Variants in RELN observed in about 807,000 individuals in gnomAD.
RELN encodes reelin.
In RELN, 108 loss-of-function variants were observed where a neutral mutation model predicts 427.6. That is an observed-to-expected ratio of 0.25 (90% CI 0.22 to 0.30). The LOEUF (loss-of-function observed/expected upper bound fraction) is 0.30. Ranked by LOEUF, RELN falls within the 10% of genes least tolerant of loss-of-function variation. RELN has a pLI of 1.00. For synonymous variants in RELN, 1,524 were observed against 1,513.4 expected (o/e 1.01, Z -0.16); for missense variants, 3,715 against 4,302.8 (o/e 0.86, Z 3.82).
At chr7:103,645,302 G>A (rs2117373920) in intron 16 of RELN, among the ~76,000 whole-genome samples, 1 of 151,628 alleles carries the variant, frequency 6.6e-6, no homozygotes, top group Middle Eastern at 3.4e-3. Flanking sequence ...GAACAGAAAT[G>A]GATTAAATTC....
At chr7:103,475,378 G>A (rs1324172485) in intron 64 of RELN, among the ~76,000 whole-genome samples, 1 of 151,902 alleles carries the variant, frequency 6.6e-6, no homozygotes, top group Non-Finnish European at 1.5e-5. Flanking sequence ...TGCCTGACCC[G>A]TGCATGGGTG....
At chr7:103,752,423 T>C (rs1364541807) in intron 5 of RELN, among the ~76,000 whole-genome samples, 1 of 152,168 alleles carries the variant, frequency 6.6e-6, no homozygotes, top group African/African-American at 2.4e-5. Flanking sequence ...CAATTTTTTT[T>C]TAAAGAAACA....
chr7:103,664,301 G>C (rs1314876149), intron 11 of RELN, among the ~76,000 whole-genome samples: 1 of 152,208 alleles, frequency 6.6e-6, no homozygotes, highest in Non-Finnish European at 1.5e-5. Flanking sequence ...ACATATGCAT[G>C]TGGGAATTTC....
chr7:103,486,859 G>A (rs548399763), intron 60 of RELN, among the ~76,000 whole-genome samples: 185 of 152,292 alleles, frequency 1.2e-3, no homozygotes, highest in Non-Finnish European at 2.4e-3. Context: ...GATTCCTCAA[G>A]GATCTAGAAC....
rs146605879 is a variant in RELN, at chr7:103,693,611, T to C, written c.1143+4242A>G. ...AAATTAAAAAGAAAGAAAATTAGGCTGGATAAAAATTGGAAAGGGCCTTGA... is the reference window on the plus strand; with the variant it reads ...AAATTAAAAAGAAAGAAAATTAGGCCGGATAAAAATTGGAAAGGGCCTTGA... On this transcript the variant is annotated intron_variant, in intron 10 of 64. Coordinates refer to ENST00000428762, the MANE Select transcript of RELN (RefSeq NM_005045.4). 8.4e-3 allele frequency among the ~76,000 whole-genome samples: 1,282 copies of C among 152,002 alleles called. 28 individuals carry two copies. Among genetic ancestry groups the C allele is most frequent in the African/African-American group, 0.029 (1,207 of 41,488 alleles).
chr7:103,926,532 C>T (rs1159196077), intron 1 of RELN, among the ~76,000 whole-genome samples: 1 of 149,930 alleles, frequency 6.7e-6, no homozygotes, highest in Non-Finnish European at 1.5e-5. Flanking sequence ...TGTCATACAT[C>T]TGTTGTTTGT....
intron 27 of RELN, among the ~76,000 whole-genome samples, chr7:103,593,174 C>T (rs184745076): frequency 6.6e-6 from 1 of 152,254 alleles, no homozygotes; most frequent in Non-Finnish European, 1.5e-5. Flanking sequence ...AAAGTAAATA[C>T]TTGCTATACA....
chr7:103,609,222 C>CA (rs11342938), intron 22 of RELN, among the ~76,000 whole-genome samples: 1,243 of 120,656 alleles, frequency 0.01, 7 homozygotes, highest in African/African-American at 0.025. Context: ...GACTCTGTCT[C>CA]AAAAAAAAAA....
chr7:103,810,460 C>G (rs1467285293), intron 3 of RELN, among the ~76,000 whole-genome samples: 2 of 152,148 alleles, frequency 1.3e-5, no homozygotes, highest in Non-Finnish European at 2.9e-5. Flanking sequence ...GAGGAGAAGA[C>G]ATTTGTGTCA....
At chr7:103,870,607 T>C (rs1174190066) in intron 2 of RELN, among the ~76,000 whole-genome samples, 1 of 152,056 alleles carries the variant, frequency 6.6e-6, no homozygotes, top group Non-Finnish European at 1.5e-5. Context: ...GCATGACCCT[T>C]CTGGCCTTCT....
chr7:103,566,499 G>A, intron 32 of RELN, 87 bp from the exon 33 acceptor site: 3 of 1,589,154 alleles, frequency 1.9e-6, no homozygotes, highest in Non-Finnish European at 2.6e-6. Flanking sequence ...AAATCAAATT[G>A]TCTAGAAATT....
At chr7:103,836,252 A>G (rs111806849) in intron 2 of RELN, among the ~76,000 whole-genome samples, 16,226 of 152,110 alleles carry the variant, frequency 0.11, 1,020 homozygotes, top group Non-Finnish European at 0.14. Context: ...CAGCCACCGC[A>G]CCCGGCCTAC....
At position 103,530,261 on chromosome 7, in the gene RELN, C is replaced by T. The variant is rs749202767; in HGVS notation, c.7349+5055G>A. Among the ~76,000 whole-genome samples, 10 of 152,242 alleles carry T rather than the reference C, an allele frequency of 6.6e-5. No homozygotes were observed. The South Asian group carries it at 8.3e-4, about 13-fold the overall frequency. On this transcript the variant is annotated intron_variant, in intron 46 of 64. Transcript: ENST00000428762. Reference sequence around the variant, plus strand: ...CTGGAATCAACTTTAGCTTGCTCCCCGCATCTTCTCACTATTTTACTAGGC... The same window carrying T: ...CTGGAATCAACTTTAGCTTGCTCCCTGCATCTTCTCACTATTTTACTAGGC...
intron 3 of RELN, among the ~76,000 whole-genome samples, chr7:103,798,056 C>T (rs1189384863): frequency 6.6e-6 from 1 of 152,152 alleles, no homozygotes; most frequent in African/African-American, 2.4e-5. Flanking sequence ...TTTAGGCTTT[C>T]CCTGCTCCGT....
chr7:103,848,271 ATTCT>A (rs768942886), intron 2 of RELN, among the ~76,000 whole-genome samples: 32 of 152,330 alleles, frequency 2.1e-4, no homozygotes, highest in Non-Finnish European at 3.4e-4. Flanking sequence ...ACTGAGATAT[ATTCT>A]TTAATTCTGC....
Position 103,723,182 on chromosome 7 carries a change from C to A in RELN, c.763G>T (p.Gly255Cys). ...PYGPRELITTGLNTTTASVLQ... is the reference protein window; with the variant it reads ...PYGPRELITTCLNTTTASVLQ... ...ACAGAAGCTGTTGTTGTATTAAGGCCTGTGGTAATCTAAAGAAAAAAGAAT... is the reference window on the plus strand; with the variant it reads ...ACAGAAGCTGTTGTTGTATTAAGGCATGTGGTAATCTAAAGAAAAAAGAAT... The change falls in exon 8 of 65, where the codon GGC becomes TGC. Residue 255 changes from glycine to cysteine, a missense_variant. Physicochemically the swap from Gly to Cys is radical, Grantham distance 159. Transcript: ENST00000428762. The A allele has an allele frequency of 6.3e-7, 1 of 1,583,362 alleles. No individual in the cohort carries two copies. The highest frequency in any genetic ancestry group is 8.7e-7 in the Non-Finnish European group (1 of 1,152,636).
intron 38 of RELN, among the ~76,000 whole-genome samples, chr7:103,555,150 G>A (rs923329756): frequency 2.7e-4 from 41 of 152,116 alleles, no homozygotes; most frequent in African/African-American, 9.7e-4. Flanking sequence ...TAAGGAATAT[G>A]TTAGAGTAGA....
intron 2 of RELN, among the ~76,000 whole-genome samples, chr7:103,891,185 T>C (rs1794841644): frequency 6.6e-6 from 1 of 152,180 alleles, no homozygotes; most frequent in Admixed American, 6.5e-5. Flanking sequence ...GGGTCATCAT[T>C]TTCTCTAAAA....
intron 11 of RELN, among the ~76,000 whole-genome samples, chr7:103,662,651 G>A (rs958760932): frequency 7.5e-4 from 111 of 148,692 alleles, no homozygotes; most frequent in African/African-American, 2.5e-3. Flanking sequence ...AAAAAGAAAC[G>A]GGTGACACTA....
Sources: gnomAD v4.1 joint callset for allele counts (sites outside exome capture counted in the v4.1 genomes callset) on GRCh38, gnomAD v4.1.1 for gene constraint, MANE v1.5 for transcripts, NCBI Gene and HGNC (gene_info 2026-07-23, HGNC 2026-07-21) for gene names.